The following EBF1 variants were observed in gnomAD, a reference collection of about 807,000 sequenced individuals.
EBF1 encodes EBF transcription factor 1.
A neutral mutation model predicts 68.4 loss-of-function variants in EBF1; 10 were observed. The ratio of observed to expected loss-of-function variants is 0.15; its 90% confidence interval spans 0.09 to 0.25. The LOEUF is 0.25. Ranked by LOEUF, EBF1 falls within the 10% of genes least tolerant of loss-of-function variation. The pLI is 1.00. For synonymous variants in EBF1, 298 were observed against 299.8 expected (o/e 0.99, Z 0.06); for missense variants, 509 against 794.4 (o/e 0.64, Z 4.32).
At chr5:159,031,612 C>T (rs760577128) in intron 6 of EBF1, among the ~76,000 whole-genome samples, 3 of 152,216 alleles carry the variant, frequency 2.0e-5, no homozygotes, top group Non-Finnish European at 2.9e-5. Context: ...GTCACTAGCA[C>T]ATCTCCAGTT....
intron 6 of EBF1, among the ~76,000 whole-genome samples, chr5:158,973,760 C>A (rs556877963): frequency 6.6e-6 from 1 of 152,168 alleles, no homozygotes; most frequent in South Asian, 2.1e-4. Flanking sequence ...AAAATTAATT[C>A]ATATTCTATT....
At chr5:158,725,404 C>T (rs900112827) in intron 11 of EBF1, among the ~76,000 whole-genome samples, 3 of 152,220 alleles carry the variant, frequency 2.0e-5, no homozygotes, top group East Asian at 1.9e-4. Context: ...TTACTGACAC[C>T]TGCTGGAATG....
chr5:158,999,268 C>T (rs1423991039), intron 6 of EBF1, among the ~76,000 whole-genome samples: 1 of 151,922 alleles, frequency 6.6e-6, no homozygotes, highest in Non-Finnish European at 1.5e-5. Flanking sequence ...GGAGACATAA[C>T]TTCAAAAGCA....
intron 6 of EBF1, among the ~76,000 whole-genome samples, chr5:158,963,968 T>G: frequency 6.6e-6 from 1 of 152,152 alleles, no homozygotes; most frequent in Non-Finnish European, 1.5e-5. Context: ...CATGGTAAAC[T>G]GTTACCAGGC....
chr5:158,955,884 C>T (rs936954631), intron 6 of EBF1, among the ~76,000 whole-genome samples: 13 of 152,186 alleles, frequency 8.5e-5, no homozygotes, highest in African/African-American at 3.1e-4. Flanking sequence ...CAAAGAGTTG[C>T]TTAGCAATGG....
chr5:158,951,752 C>A (rs7705845), intron 6 of EBF1, among the ~76,000 whole-genome samples: 1 of 151,972 alleles, frequency 6.6e-6, no homozygotes, highest in Non-Finnish European at 1.5e-5. Context: ...GAAAAAAAGC[C>A]AGTCCTCTTC....
intron 6 of EBF1, among the ~76,000 whole-genome samples, chr5:159,065,124 TA>T (rs1024213800): frequency 2.0e-5 from 3 of 152,028 alleles, no homozygotes; most frequent in Admixed American, 2.0e-4. Context: ...AGAAGCACAT[TA>T]AAAACAGGTG....
chr5:159,011,558 T>C (rs1217299177), intron 6 of EBF1, among the ~76,000 whole-genome samples: 1 of 152,192 alleles, frequency 6.6e-6, no homozygotes, highest in Non-Finnish European at 1.5e-5. Flanking sequence ...TTCAGCAGAA[T>C]GGAAGCGGGT....
chr5:159,097,763 C>T, intron 1 of EBF1: 1 of 233,436 alleles, frequency 4.3e-6, no homozygotes. Flanking sequence ...TTCTTAAAGA[C>T]CTGTCCTAAC....
chr5:159,054,489 T>C (rs80205166), intron 6 of EBF1, among the ~76,000 whole-genome samples: 2,026 of 152,306 alleles, frequency 0.013, 18 homozygotes, highest in South Asian at 0.035. Context: ...CCTCTGCACA[T>C]AGAAAAAAAT....
chr5:158,699,255 TATTAGCCACAAATTTG>T, intron 15 of EBF1, 113 bp from the exon 16 acceptor site: 4 of 1,074,312 alleles, frequency 3.7e-6, no homozygotes, highest in Non-Finnish European at 5.3e-6. Context: ...GTTGTTCGAC[TATTAGCCACAAATTTG>T]CTCTCATCTT....
Position 159,099,617 on chromosome 5 carries a change from C to T in EBF1, c.-139G>A. On this transcript the variant is annotated 5_prime_UTR_variant, in exon 1 of 16. Coordinates refer to ENST00000313708, the MANE Select transcript of EBF1 (RefSeq NM_024007.5). ...TTTTTTTTCTCAGACGATGAACTCG[C>T]ACTTAGAAGATCAAGGCGGGCTGGA... The T allele has an allele frequency of 8.3e-7, 1 of 1,206,210 alleles. No homozygotes were observed. The highest frequency in any genetic ancestry group is 3.2e-5 in the Admixed American group (1 of 31,722). The allele number at this position is 1,206,210 out of a possible 1,614,324, so 74.7% of individuals were successfully genotyped here. A position where few individuals can be genotyped will look rare whatever the true frequency, so the allele number is the denominator to read the frequency against.
intron 6 of EBF1, among the ~76,000 whole-genome samples, chr5:158,961,340 A>G (rs1818151812): frequency 2.0e-5 from 3 of 148,702 alleles, no homozygotes; most frequent in East Asian, 2.0e-4. Context: ...AAAAAAAATC[A>G]TATTCAACCC....
At chr5:158,820,792 A>T (rs2127844758) in intron 8 of EBF1, among the ~76,000 whole-genome samples, 1 of 152,308 alleles carries the variant, frequency 6.6e-6, no homozygotes, top group Non-Finnish European at 1.5e-5. Flanking sequence ...TTAGAATAAT[A>T]TGACACCCCA....
intron 4 of EBF1, among the ~76,000 whole-genome samples, chr5:159,086,850 A>C (rs6894589): frequency 6.6e-6 from 1 of 151,902 alleles, no homozygotes; most frequent in Non-Finnish European, 1.5e-5. Context: ...AGTTTCAGCA[A>C]GCATTGATTA....
intron 15 of EBF1, among the ~76,000 whole-genome samples, chr5:158,705,046 C>A (rs751812686): frequency 6.6e-6 from 1 of 152,186 alleles, no homozygotes; most frequent in Non-Finnish European, 1.5e-5. Context: ...TGCAGTGGCA[C>A]GATCTCAGCT....
chr5:159,089,085 G>C (rs1781192455), intron 4 of EBF1, among the ~76,000 whole-genome samples: 1 of 151,994 alleles, frequency 6.6e-6, no homozygotes, highest in Non-Finnish European at 1.5e-5. Context: ...TTATTTTTGT[G>C]ATATACTAGC....
intron 6 of EBF1, among the ~76,000 whole-genome samples, chr5:158,844,571 T>C (rs554658631): frequency 6.6e-6 from 1 of 152,320 alleles, no homozygotes; most frequent in South Asian, 2.1e-4. Flanking sequence ...AAATTAGGCA[T>C]CAGAAGACAT....
chr5:158,977,949 C>G (rs1757112353), intron 6 of EBF1, among the ~76,000 whole-genome samples: 2 of 152,298 alleles, frequency 1.3e-5, no homozygotes, highest in South Asian at 4.1e-4. Context: ...AGTGAAAACG[C>G]CAACCCTGTC....
Sources: gnomAD v4.1 joint callset for allele counts (sites outside exome capture counted in the v4.1 genomes callset) on GRCh38, gnomAD v4.1.1 for gene constraint, MANE v1.5 for transcripts, NCBI Gene and HGNC (gene_info 2026-07-23, HGNC 2026-07-21) for gene names.